NSUN6: variants seen among roughly 807,000 people sequenced by gnomAD.
NSUN6 encodes tRNA (cytosine(72)-C(5))-methyltransferase NSUN6.
In NSUN6, 64 loss-of-function variants were observed where a neutral mutation model predicts 58.0. The observed-to-expected ratio is 1.10, with a 90% CI of 0.90 to 1.36. The LOEUF is 1.36. Ranked by LOEUF, NSUN6 falls within the 40% of genes most tolerant of loss-of-function variation. The pLI is 0.00. For missense variants in NSUN6, 701 were observed against 550.1 expected, an observed-to-expected ratio of 1.27 and a Z score of -2.74; for synonymous variants, 231 against 193.9, an observed-to-expected ratio of 1.19 and a Z score of -1.59.
At position 18,642,442 on chromosome 10, in the gene NSUN6, A is replaced by G. The variant is rs767138314; in HGVS notation, c.311+34T>C. 7 of 1,028,838 alleles carry G rather than the reference A, an allele frequency of 6.8e-6. No individual in the cohort carries two copies. In the South Asian group the frequency reaches 9.1e-5, roughly 13 times the overall value. 63.7% of individuals were successfully genotyped at this position (1,028,838 alleles called of 1,614,324 possible). On this transcript the variant is annotated intron_variant, in intron 3 of 10. Coordinates refer to ENST00000377304, the MANE Select transcript of NSUN6 (RefSeq NM_182543.5). Reference sequence around the variant, plus strand: ...CTCCCTGTGACAAACTTTTATTGAGAATAATATAATTTGGAAATGAAGTTC... The same window carrying G: ...CTCCCTGTGACAAACTTTTATTGAGGATAATATAATTTGGAAATGAAGTTC...
At chr10:18,629,688 C>A (rs1356823278) in intron 3 of NSUN6, among the ~76,000 whole-genome samples, 1 of 151,460 alleles carries the variant, frequency 6.6e-6, no homozygotes, top group Non-Finnish European at 1.5e-5. Flanking sequence ...GGGATCAATT[C>A]AACAAGAAGA....
intron 2 of NSUN6, among the ~76,000 whole-genome samples, chr10:18,645,068 G>C (rs1198049265): frequency 6.8e-6 from 1 of 147,764 alleles, no homozygotes; most frequent in East Asian, 2.0e-4. Context: ...TGAGGCAGGA[G>C]AATTGCTTGA....
chr10:18,564,726 C>CCATT (rs1229584308), intron 8 of NSUN6, among the ~76,000 whole-genome samples: 1 of 150,742 alleles, frequency 6.6e-6, no homozygotes, highest in Non-Finnish European at 1.5e-5. Context: ...ATTCTCCTTT[C>CCATT]CATTCCCTTC....
intron 9 of NSUN6, among the ~76,000 whole-genome samples, chr10:18,551,006 G>A (rs1002190061): frequency 2.6e-5 from 4 of 152,004 alleles, no homozygotes; most frequent in South Asian, 2.1e-4. Context: ...GATGATGGGC[G>A]CAAGCCACCA....
At chr10:18,631,589 A>G (rs1260180559) in intron 3 of NSUN6, among the ~76,000 whole-genome samples, 22 of 136,314 alleles carry the variant, frequency 1.6e-4, no homozygotes, top group Non-Finnish European at 3.0e-4. Flanking sequence ...CAAAAATCAC[A>G]AGCATTCTTA....
rs557205732 is a variant in NSUN6 at position 18,551,153 on chromosome 10, C to T, written c.1071+670G>A. ...AGAATATTTGAAATTTATTAAATAT[C>T]TCAGTGATGAAATTCTACTATTGCC... is the stretch of plus-strand genomic sequence containing the variant. On this transcript the variant is annotated intron_variant, in intron 9 of 10. Coordinates refer to ENST00000377304, the MANE Select transcript of NSUN6 (RefSeq NM_182543.5). 2.6e-5 allele frequency among the ~76,000 whole-genome samples: 4 copies of T among 151,422 alleles called. No individual in the cohort carries two copies. The Admixed American group carries it at 2.6e-4, about 10-fold the overall frequency.
At chr10:18,551,462 G>T (rs1339469494) in intron 9 of NSUN6, among the ~76,000 whole-genome samples, 1 of 151,936 alleles carries the variant, frequency 6.6e-6, no homozygotes, top group Non-Finnish European at 1.5e-5. Flanking sequence ...CAATCTCCCA[G>T]CCCCACAATG....
At chr10:18,609,173 T>C (rs1282301207) in intron 6 of NSUN6, among the ~76,000 whole-genome samples, 1 of 152,072 alleles carries the variant, frequency 6.6e-6, no homozygotes, top group African/African-American at 2.4e-5. Flanking sequence ...GAGTGGGGCA[T>C]AGTAGTGCAC....
intron 6 of NSUN6, among the ~76,000 whole-genome samples, chr10:18,599,999 G>A (rs1040428912): frequency 3.3e-5 from 5 of 152,154 alleles, no homozygotes; most frequent in African/African-American, 1.2e-4. Context: ...TAATTTTAAT[G>A]ACTGTGTACA....
chr10:18,622,710 G>C (rs1386457614), intron 3 of NSUN6, among the ~76,000 whole-genome samples: 1 of 152,074 alleles, frequency 6.6e-6, no homozygotes, highest in East Asian at 1.9e-4. Flanking sequence ...ACTCCGCCTT[G>C]GGGGGAAAAA....
At chr10:18,653,730 T>C (rs2059746527), upstream of NSUN6, among the ~76,000 whole-genome samples, 1 of 152,168 alleles carries the variant, frequency 6.6e-6, no homozygotes, top group African/African-American at 2.4e-5. Context: ...GACGAAGATA[T>C]CTCTTGGGAT....
intron 3 of NSUN6, among the ~76,000 whole-genome samples, chr10:18,629,846 G>A (rs1260409152): frequency 2.0e-5 from 3 of 148,092 alleles, no homozygotes; most frequent in Non-Finnish European, 3.0e-5. Context: ...ACAGATCAAC[G>A]AGACAGAAAG....
At chr10:18,555,339 G>C (rs1264298028) in intron 8 of NSUN6, among the ~76,000 whole-genome samples, 1 of 151,082 alleles carries the variant, frequency 6.6e-6, no homozygotes, top group Non-Finnish European at 1.5e-5. Flanking sequence ...GAATGGAATA[G>C]AGAATGGAAT....
intron 3 of NSUN6, among the ~76,000 whole-genome samples, chr10:18,633,465 C>G (rs1347436900): frequency 6.6e-6 from 1 of 151,802 alleles, no homozygotes; most frequent in African/African-American, 2.4e-5. Flanking sequence ...GGAGAAAATT[C>G]CATTTGCAAT....
chr10:18,603,723 C>T (rs1205017780), intron 6 of NSUN6, among the ~76,000 whole-genome samples: 2 of 152,054 alleles, frequency 1.3e-5, no homozygotes, highest in Non-Finnish European at 1.5e-5. Flanking sequence ...GTGATCCGCC[C>T]ACCTCAGCCT....
In NSUN6 at chr10:18,622,223, T is replaced by A. The variant is rs77372392; in HGVS notation, c.312-5930A>T. On this transcript the variant is annotated intron_variant, in intron 3 of 10. Coordinates refer to ENST00000377304, the MANE Select transcript of NSUN6 (RefSeq NM_182543.5). ...GTAGAATGCTCATAAATGGGATCAG[T>A]GCCTTTATACGAGACCAAAGAGCTA... is the stretch of plus-strand genomic sequence containing the variant. Among the ~76,000 whole-genome samples, 894 of 152,186 alleles carry A rather than the reference T, an allele frequency of 5.9e-3. 11 individuals are homozygous for A. The highest frequency in any genetic ancestry group is 0.021 in the African/African-American group (856 of 41,524).
chr10:18,583,826 C>A (rs2057008940), intron 8 of NSUN6, among the ~76,000 whole-genome samples: 1 of 152,100 alleles, frequency 6.6e-6, no homozygotes, highest in Non-Finnish European at 1.5e-5. Flanking sequence ...AATCTTGTAA[C>A]TGAGTGCTTG....
chr10:18,566,405 T>C (rs62648438), intron 8 of NSUN6, among the ~76,000 whole-genome samples: 52,618 of 148,692 alleles, frequency 0.35, 9,805 homozygotes, highest in East Asian at 0.74. Context: ...CCATTCTTCT[T>C]CATTCTATTC....
At chr10:18,609,289 C>A (rs1169987744) in intron 6 of NSUN6, among the ~76,000 whole-genome samples, 1 of 152,036 alleles carries the variant, frequency 6.6e-6, no homozygotes, top group Non-Finnish European at 1.5e-5. Context: ...CCAGCCTAGA[C>A]AACAGAGTGA....
Sources: gnomAD v4.1 joint callset for allele counts (sites outside exome capture counted in the v4.1 genomes callset) on GRCh38, gnomAD v4.1.1 for gene constraint, MANE v1.5 for transcripts, NCBI Gene and HGNC (gene_info 2026-07-23, HGNC 2026-07-21) for gene names.